ATG7: variants seen among roughly 807,000 people sequenced by gnomAD.
ATG7 encodes ubiquitin-like modifier-activating enzyme ATG7.
Under a neutral mutation model 82.4 loss-of-function variants are expected in ATG7, and 70 were observed. The ratio of observed to expected loss-of-function variants is 0.85; its 90% confidence interval spans 0.70 to 1.04. ATG7 has a LOEUF of 1.04. Ranked by LOEUF, ATG7 falls within the 50% of genes least tolerant of loss-of-function variation. The pLI is 0.00. For missense variants in ATG7, 792 were observed against 864.3 expected, an observed-to-expected ratio of 0.92 and a Z score of 1.05; for synonymous variants, 287 against 313.0, an observed-to-expected ratio of 0.92 and a Z score of 0.88.
At chr3:11,572,977 G>T in the ATG7 span, among the ~76,000 whole-genome samples, 2 of 151,922 alleles carry the variant, frequency 1.3e-5, no homozygotes, top group Non-Finnish European at 2.9e-5. Context: ...AGACCGGCCT[G>T]ACCAACATGG....
downstream of ATG7, chr3:11,559,426 C>T (rs375078551): frequency 5.7e-6 from 9 of 1,566,298 alleles, no homozygotes; most frequent in East Asian, 4.7e-5. Flanking sequence ...GGGCGCCAGC[C>T]GAGGCACAGG....
At chr3:11,521,615 C>T (rs749597160) in intron 20 of ATG7, among the ~76,000 whole-genome samples, 7 of 151,092 alleles carry the variant, frequency 4.6e-5, no homozygotes, top group Admixed American at 2.0e-4. Flanking sequence ...CACAGTGGCG[C>T]GATATTGGCT....
intron 20 of ATG7, among the ~76,000 whole-genome samples, chr3:11,504,195 T>G (rs2091549243): frequency 6.6e-6 from 1 of 152,190 alleles, no homozygotes; most frequent in South Asian, 2.1e-4. Context: ...ATCAGAGTTG[T>G]TTTTGGACTT....
At chr3:11,299,269 C>T (rs1946419585) in intron 4 of ATG7, 93 bp from the exon 5 acceptor site, 4 of 1,311,052 alleles carry the variant, frequency 3.1e-6, no homozygotes, top group Non-Finnish European at 4.4e-6. Flanking sequence ...GCCTTGGGCT[C>T]AACAAAGAGA....
chr3:11,458,619 C>G (rs949647690), intron 20 of ATG7, among the ~76,000 whole-genome samples: 1 of 152,188 alleles, frequency 6.6e-6, no homozygotes, highest in Non-Finnish European at 1.5e-5. Context: ...GTGACCATAG[C>G]TAGTTACTTC....
chr3:11,435,848 A>G (rs1576396411), intron 20 of ATG7, among the ~76,000 whole-genome samples: 1 of 152,226 alleles, frequency 6.6e-6, no homozygotes, highest in African/African-American at 2.4e-5. Context: ...TTGTGCTTCA[A>G]AGGACATAAG....
Position 11,360,685 on chromosome 3 carries a change from T to C in ATG7, c.1584T>C (p.Pro528=). The change falls in exon 16 of 21, where the codon CCT becomes CCC. Residue 528 remains proline, a synonymous_variant. Coordinates refer to ENST00000693202, the MANE Select transcript of ATG7 (RefSeq NM_001349232.2). Reference sequence around the variant, plus strand: ...CTGGGGACTTGTGTCCAAACCACCCTGTGGCATCTGCTGACCTCCTGGGCT... The same window carrying C: ...CTGGGGACTTGTGTCCAAACCACCCCGTGGCATCTGCTGACCTCCTGGGCT... ...QGAGDLCPNH[P]VASADLLGSS... is the part of the protein sequence containing the mutation. 6.2e-7 allele frequency: 1 copy of C among 1,614,188 alleles called. No homozygotes were observed. The highest frequency in any genetic ancestry group is 8.5e-7 in the Non-Finnish European group (1 of 1,180,018).
chr3:11,490,309 T>C (rs889092534), intron 20 of ATG7, among the ~76,000 whole-genome samples: 1 of 152,228 alleles, frequency 6.6e-6, no homozygotes, highest in African/African-American at 2.4e-5. Context: ...CCTTTTTTTG[T>C]TTTCCATTTG....
At chr3:11,531,756 C>T (rs77791763) in intron 20 of ATG7, among the ~76,000 whole-genome samples, 32 of 150,578 alleles carry the variant, frequency 2.1e-4, no homozygotes, top group Middle Eastern at 3.4e-3. Context: ...CCCAGCTACT[C>T]GGGAGGCTGA....
chr3:11,564,272 T>C, the ATG7 span, among the ~76,000 whole-genome samples: 701 of 152,298 alleles, frequency 4.6e-3, 5 homozygotes, highest in African/African-American at 0.016. Flanking sequence ...AAAATCCCTA[T>C]GTACCAATCA....
intron 1 of ATG7, among the ~76,000 whole-genome samples, chr3:11,273,805 G>A (rs933197020): frequency 1.3e-5 from 2 of 152,118 alleles, no homozygotes; most frequent in African/African-American, 4.8e-5. Context: ...TGTCAGTAAG[G>A]GTTGGTAGGT....
At chr3:11,391,294 T>C (rs1354670099) in intron 19 of ATG7, among the ~76,000 whole-genome samples, 1 of 152,174 alleles carries the variant, frequency 6.6e-6, no homozygotes, top group African/African-American at 2.4e-5. Flanking sequence ...CAGCTGTAAA[T>C]CTAGGAGCTT....
intron 20 of ATG7, among the ~76,000 whole-genome samples, chr3:11,498,822 C>G (rs2442790): frequency 6.6e-6 from 1 of 152,208 alleles, no homozygotes; most frequent in African/African-American, 2.4e-5. Context: ...TCCAGGCCAA[C>G]TGTGCTCCTT....
intron 16 of ATG7, 92 bp from the exon 17 acceptor site, chr3:11,362,721 T>C (rs1484944823): frequency 1.5e-5 from 15 of 1,021,114 alleles, no homozygotes; most frequent in Non-Finnish European, 2.2e-5. Flanking sequence ...GGTTATAATT[T>C]AAAGCTTTGT....
chr3:11,459,233 G>A (rs1219994111), intron 20 of ATG7, among the ~76,000 whole-genome samples: 2 of 150,392 alleles, frequency 1.3e-5, no homozygotes, highest in African/African-American at 4.9e-5. Flanking sequence ...AACACAGTAA[G>A]TCTTTTCTAA....
chr3:11,426,296 A>G (rs1251485688), intron 19 of ATG7, among the ~76,000 whole-genome samples: 1 of 152,038 alleles, frequency 6.6e-6, no homozygotes, highest in African/African-American at 2.4e-5. Flanking sequence ...CATGGAGCCC[A>G]TTTTCATGTT....
intron 20 of ATG7, among the ~76,000 whole-genome samples, chr3:11,505,440 TA>T: frequency 6.6e-6 from 1 of 152,238 alleles, no homozygotes; most frequent in Non-Finnish European, 1.5e-5. Flanking sequence ...TTGTTACTGA[TA>T]AAATTATAAC....
At chr3:11,474,143 G>A (rs1045427323) in intron 20 of ATG7, among the ~76,000 whole-genome samples, 8 of 152,208 alleles carry the variant, frequency 5.3e-5, no homozygotes, top group Non-Finnish European at 7.3e-5. Flanking sequence ...TGGGGGATAC[G>A]ACATATTCAT....
At chr3:11,571,382 C>T in the ATG7 span, among the ~76,000 whole-genome samples, 3 of 152,186 alleles carry the variant, frequency 2.0e-5, no homozygotes, top group Non-Finnish European at 2.9e-5. Context: ...AATGTTTCCC[C>T]CATTAACTCT....
Sources: gnomAD v4.1 joint callset for allele counts (sites outside exome capture counted in the v4.1 genomes callset) on GRCh38, gnomAD v4.1.1 for gene constraint, MANE v1.5 for transcripts, NCBI Gene and HGNC (gene_info 2026-07-23, HGNC 2026-07-21) for gene names.